SIAE: variants seen among roughly 807,000 people sequenced by gnomAD.
The protein encoded by SIAE is sialate O-acetylesterase.
In SIAE, 39 loss-of-function variants were observed where a neutral mutation model predicts 52.6. The observed-to-expected ratio is 0.74, with a 90% CI of 0.57 to 0.97. SIAE has a LOEUF of 0.97. Ranked by LOEUF, SIAE falls within the 50% of genes least tolerant of loss-of-function variation. SIAE has a pLI of 0.00. For synonymous variants in SIAE, 233 were observed against 241.4 expected (o/e 0.97, Z 0.32); for missense variants, 592 against 662.1 (o/e 0.89, Z 1.16).
At chr11:124,646,864 A>C (rs748178315) in intron 7 of SIAE, among the ~76,000 whole-genome samples, 1 of 152,240 alleles carries the variant, frequency 6.6e-6, no homozygotes, top group Non-Finnish European at 1.5e-5. Context: ...ATAAACTACA[A>C]TGTAACCATA....
rs1428752708 is a variant in SIAE at position 124,649,670 on chromosome 11, T to A, written c.671A>T (p.Glu224Val). ...IASSWGGTPI[E>V]AWSSGRSLKA... is the part of the protein sequence containing the mutation. ...CAGTGACCGTCCAGATGACCAGGCTTCAATGGGTGTCCCGCCCCAGCTGGA... is the reference window on the plus strand; with the variant it reads ...CAGTGACCGTCCAGATGACCAGGCTACAATGGGTGTCCCGCCCCAGCTGGA... The change falls in exon 5 of 10, where the codon GAA becomes GTA. Residue 224 changes from glutamate to valine, a missense_variant. Physicochemically the swap from Glu to Val is moderately radical, Grantham distance 121 (BLOSUM62 -2). Coordinates refer to ENST00000263593, the MANE Select transcript of SIAE (RefSeq NM_170601.5). 2.5e-6 allele frequency: 4 copies of A among 1,614,152 alleles called. No homozygotes were observed. Among genetic ancestry groups the A allele is most frequent in the Non-Finnish European group, 3.4e-6 (4 of 1,180,046 alleles).
upstream of SIAE, chr11:124,675,028 G>A (rs367959907): frequency 2.0e-5 from 7 of 343,258 alleles, no homozygotes; most frequent in East Asian, 1.5e-4. Context: ...AAATGATTTG[G>A]CCTAGTGAAT....
intron 3 of SIAE, chr11:124,659,232 G>A (rs1943146713): frequency 6.6e-6 from 1 of 152,204 alleles, no homozygotes; most frequent in Non-Finnish European, 1.5e-5. Context: ...GATACAAACA[G>A]ATCTGGTCCA....
chr11:124,666,666 C>G (rs1049231848), intron 2 of SIAE, among the ~76,000 whole-genome samples: 20 of 152,186 alleles, frequency 1.3e-4, no homozygotes, highest in African/African-American at 4.8e-4. Flanking sequence ...GGATACATCC[C>G]TTTGCAGTGA....
intron 2 of SIAE, among the ~76,000 whole-genome samples, chr11:124,662,730 A>G (rs1943206467): frequency 6.6e-6 from 1 of 152,212 alleles, no homozygotes; most frequent in South Asian, 2.1e-4. Flanking sequence ...CCTTGTTCCC[A>G]AGAACTGCCT....
intron 9 of SIAE, 122 bp downstream of exon 9, chr11:124,638,420 G>T: frequency 9.6e-7 from 1 of 1,038,904 alleles, no homozygotes. Flanking sequence ...TCTGAAATAA[G>T]CTCAGCCCCC....
At position 124,636,966 on chromosome 11, in the gene SIAE, G is replaced by C. The variant is rs769307557; in HGVS notation, c.1557C>G (p.Ser519Arg). 1 of 1,614,152 alleles carries C rather than the reference G, an allele frequency of 6.2e-7. No individual in the cohort carries two copies. The highest frequency in any genetic ancestry group is 1.1e-5 in the South Asian group (1 of 91,078). Residue 519 changes from serine (S) to arginine (R), a missense_variant, in exon 10 of 10, where the codon AGC becomes AGG. Ser to Arg is a moderately radical substitution (Grantham distance 110). Transcript: ENST00000263593. The stretch of plus-strand genomic sequence containing the variant: ...ACTGAAACAGTCATTTAGCAACATT[G>C]CTCTGATGTCCAGGACCCTGGTCTG... ...FITDQGPGHQ[S>R]NVAK
rs1942751933 is a variant in SIAE at position 124,636,885 on chromosome 11, A to C, written c.*66T>G. 7.5e-6 allele frequency: 12 copies of C among 1,607,452 alleles called. No homozygotes were observed. In the South Asian group the frequency reaches 1.3e-4, roughly 18 times the overall value. On this transcript the variant is annotated 3_prime_UTR_variant, in exon 10 of 10. Transcript: ENST00000263593. The stretch of plus-strand genomic sequence containing the variant: ...CCTTTAAAAGCAATGGTTATTATTG[A>C]AACTCCTAAATGCTAAAATCTGAAG...
rs548179143 is a variant in SIAE at position 124,666,072 on chromosome 11, A to G, written c.229+3288T>C. Among the ~76,000 whole-genome samples the G allele has an allele frequency of 5.3e-5, 8 of 152,266 alleles. No homozygotes were observed. The East Asian group carries it at 1.4e-3, about 26-fold the overall frequency. Reference sequence around the variant, plus strand: ...TCCTTGTGTCTGAAAGAATCCTCTTACATCATTTGACAACATCGTTTGAAC... The same window carrying G: ...TCCTTGTGTCTGAAAGAATCCTCTTGCATCATTTGACAACATCGTTTGAAC... On this transcript the variant is annotated intron_variant, in intron 2 of 9. Coordinates refer to ENST00000263593, the MANE Select transcript of SIAE (RefSeq NM_170601.5).
upstream of SIAE, chr11:124,673,866 GT>G (rs541892126): frequency 0.093 from 47,785 of 511,378 alleles, 1,274 homozygotes; most frequent in African/African-American, 0.25. Flanking sequence ...GGCCGCCGTA[GT>G]TTTTTTTTTT....
intron 8 of SIAE, 56 bp downstream of exon 8, chr11:124,639,654 G>C: frequency 6.2e-7 from 1 of 1,610,554 alleles, no homozygotes; most frequent in Non-Finnish European, 8.5e-7. Context: ...GAACATCAGA[G>C]TGAAAGACTA....
At chr11:124,657,451 G>C (rs1943118483) in intron 3 of SIAE, among the ~76,000 whole-genome samples, 1 of 152,172 alleles carries the variant, frequency 6.6e-6, no homozygotes, top group Non-Finnish European at 1.5e-5. Flanking sequence ...ACTAGCTTCC[G>C]CACTGACTGG....
In SIAE at chr11:124,645,768, C is replaced by T. The variant is rs1175918314; in HGVS notation, c.966+1597G>A. Among the ~76,000 whole-genome samples the T allele has an allele frequency of 1.3e-5, 2 of 152,192 alleles. No individual in the cohort carries two copies. The highest frequency in any genetic ancestry group is 4.8e-5 in the African/African-American group (2 of 41,432). ...AGTGTAGTTTCCACCAACAGGGATG[C>T]AGAACTGGTGACAGGAGCTGCTACT... is the stretch of plus-strand genomic sequence containing the variant. On this transcript the variant is annotated intron_variant, in intron 7 of 9. Coordinates refer to ENST00000263593, the MANE Select transcript of SIAE (RefSeq NM_170601.5). The surrounding 1 kb of genome is among the most constrained non-coding windows in gnomAD (Gnocchi z 4.7).
At chr11:124,667,497 T>G (rs2134391170) in intron 2 of SIAE, among the ~76,000 whole-genome samples, 1 of 152,350 alleles carries the variant, frequency 6.6e-6, no homozygotes, top group East Asian at 1.9e-4. Flanking sequence ...TTGAAGAGAC[T>G]GCATCAGGGT....
At position 124,633,378 on chromosome 11, in the gene SIAE, C is replaced by G. The variant is rs1047125663; in HGVS notation, c.*3573G>C. The G allele has an allele frequency of 6.6e-6, 1 of 152,202 alleles. No homozygotes were observed. The highest frequency in any genetic ancestry group is 1.9e-4 in the East Asian group (1 of 5,190). 9.4% of individuals were successfully genotyped at this position (152,202 alleles called of 1,614,324 possible). On this transcript the variant is annotated 3_prime_UTR_variant, in exon 10 of 10. Coordinates refer to ENST00000263593, the MANE Select transcript of SIAE (RefSeq NM_170601.5). ...CACCTCAACACTACCTGTGGGATGC[C>G]TTAGTTACCCAGCAGCAGGTTACCA... is the stretch of plus-strand genomic sequence containing the variant.
chr11:124,637,337 G>C, intron 9 of SIAE, 135 bp from the exon 10 acceptor site: 1 of 1,227,704 alleles, frequency 8.1e-7, no homozygotes, highest in Non-Finnish European at 1.2e-6. Context: ...ACAGTAAGCA[G>C]AACAAACCTG....
intron 1 of SIAE, 84 bp downstream of exon 1, chr11:124,673,558 G>A (rs1943406448): frequency 6.7e-7 from 1 of 1,485,624 alleles, no homozygotes; most frequent in African/African-American, 1.4e-5. Flanking sequence ...AAAGGGGCGC[G>A]GATCCGTGTC....
chr11:124,639,398 T>C (rs547371311), intron 8 of SIAE, among the ~76,000 whole-genome samples: 7 of 152,346 alleles, frequency 4.6e-5, no homozygotes, highest in Admixed American at 2.6e-4. Flanking sequence ...GAATTGCCAG[T>C]GTGACACTTT....
chr11:124,648,028 A>G (rs1372161363), intron 6 of SIAE, 38 bp downstream of exon 6: 1 of 1,495,232 alleles, frequency 6.7e-7, no homozygotes, highest in Non-Finnish European at 9.3e-7. Context: ...AGCAAACGCT[A>G]TCTGATACAA....
Sources: gnomAD v4.1 joint callset for allele counts (sites outside exome capture counted in the v4.1 genomes callset) on GRCh38, gnomAD v4.1.1 for gene constraint, Gnocchi (gnomAD v3.1) non-coding constraint, MANE v1.5 for transcripts, NCBI Gene and HGNC (gene_info 2026-07-23, HGNC 2026-07-21) for gene names.